Variants in DIAPH3 observed in about 807,000 individuals in gnomAD.
DIAPH3 encodes the protein protein diaphanous homolog 3.
Under a neutral mutation model 144.3 loss-of-function variants are expected in DIAPH3, and 117 were observed. The ratio of observed to expected loss-of-function variants is 0.81; its 90% CI spans 0.70 to 0.95. The LOEUF is 0.95. Ranked by LOEUF, DIAPH3 falls within the 40% of genes least tolerant of loss-of-function variation. DIAPH3 has a pLI of 0.00. For synonymous variants in DIAPH3, 519 were observed against 488.9 expected (o/e 1.06, Z -0.81); for missense variants, 1,421 against 1,412.7 (o/e 1.01, Z -0.09).
chr13:60,121,400 G>A (rs1346213873), intron 2 of DIAPH3, among the ~76,000 whole-genome samples: 1 of 152,134 alleles, frequency 6.6e-6, no homozygotes, highest in East Asian at 1.9e-4. Flanking sequence ...GGTACAGAAC[G>A]ATAGCAGAAA....
rs1566702675 is a variant in DIAPH3, at chr13:60,042,803, G to C, written c.513C>G (p.Ser171Arg). 1.2e-6 allele frequency: 2 copies of C among 1,613,334 alleles called. No individual in the cohort carries two copies. The highest frequency in any genetic ancestry group is 1.7e-5 in the Admixed American group (1 of 59,980). Reference protein sequence around the residue: ...TASKTGSLKRSRQISPQEFIH... With the variant: ...TASKTGSLKRRRQISPQEFIH... ...TGAATTCCTGAGGTGAGATCTGTCGGCTTCTCTTAAGACTTCCCTATAAAA... is the reference window on the plus strand; with the variant it reads ...TGAATTCCTGAGGTGAGATCTGTCGCCTTCTCTTAAGACTTCCCTATAAAA... The change falls in exon 5 of 28, where the codon AGC becomes AGG. Residue 171 changes from serine (S) to arginine (R), a missense_variant. Coordinates refer to ENST00000400324, the MANE Select transcript of DIAPH3 (RefSeq NM_001042517.2).
intron 3 of DIAPH3, among the ~76,000 whole-genome samples, chr13:60,111,743 T>C (rs920926314): frequency 6.6e-6 from 1 of 152,216 alleles, no homozygotes; most frequent in Non-Finnish European, 1.5e-5. Flanking sequence ...CTGACTTAAA[T>C]ATCTACTCAA....
At chr13:59,991,351 T>A in intron 11 of DIAPH3, 77 bp from the exon 12 acceptor site, 2 of 1,057,128 alleles carry the variant, frequency 1.9e-6, no homozygotes, top group Non-Finnish European at 2.9e-6. Flanking sequence ...GAATTTGTCC[T>A]GTAAGGTTTT....
At chr13:60,016,780 G>A (rs1380346136) in intron 5 of DIAPH3, among the ~76,000 whole-genome samples, 4 of 152,114 alleles carry the variant, frequency 2.6e-5, no homozygotes, top group Admixed American at 1.3e-4. Context: ...TGCATCACTG[G>A]GTTTTAAATG....
intron 20 of DIAPH3, among the ~76,000 whole-genome samples, chr13:59,881,555 C>T (rs2045048105): frequency 6.6e-6 from 1 of 152,054 alleles, no homozygotes; most frequent in South Asian, 2.1e-4. Context: ...CTACATTATA[C>T]CACCCCAAAA....
chr13:59,873,092 G>T (rs1337473519), intron 21 of DIAPH3, among the ~76,000 whole-genome samples: 2 of 152,162 alleles, frequency 1.3e-5, no homozygotes, highest in Admixed American at 1.3e-4. Flanking sequence ...GAGTCAAAGG[G>T]GGTTAAGCAT....
intron 20 of DIAPH3, among the ~76,000 whole-genome samples, chr13:59,882,646 A>G (rs1451500044): frequency 6.6e-6 from 1 of 152,182 alleles, no homozygotes; most frequent in African/African-American, 2.4e-5. Flanking sequence ...ATGGCAACAG[A>G]AAGTCATTTT....
In DIAPH3 at chr13:59,983,151, A is replaced by T. The variant is rs1336240824; in HGVS notation, c.1480+618T>A. ...AATGCTTTATCTTTAAAAAAAAAAAAAAAAAAAACTCTCAAGTTATAGAAG... is the reference window on the plus strand; with the variant it reads ...AATGCTTTATCTTTAAAAAAAAAAATAAAAAAAACTCTCAAGTTATAGAAG... On this transcript the variant is annotated intron_variant, in intron 13 of 27. Transcript: ENST00000400324. Among the ~76,000 whole-genome samples, 31 of 149,886 alleles carry T rather than the reference A, an allele frequency of 2.1e-4. 1 individual carries two copies. Among genetic ancestry groups the T allele is most frequent in the Admixed American group, 2.1e-3 (31 of 15,020 alleles).
intron 25 of DIAPH3, among the ~76,000 whole-genome samples, chr13:59,778,068 G>A (rs1336457767): frequency 6.6e-6 from 1 of 152,144 alleles, no homozygotes; most frequent in Admixed American, 6.5e-5. Flanking sequence ...AATGCTGACA[G>A]TTTTAGGCTC....
At chr13:60,156,369 T>TTGCAAGTGC (rs1240144662) in intron 1 of DIAPH3, among the ~76,000 whole-genome samples, 1 of 152,052 alleles carries the variant, frequency 6.6e-6, no homozygotes, top group Non-Finnish European at 1.5e-5. Context: ...GTGGCAAGTG[T>TTGCAAGTGC]GGAGTCATAC....
chr13:60,084,828 T>A (rs2057695443), intron 4 of DIAPH3, among the ~76,000 whole-genome samples: 1 of 152,124 alleles, frequency 6.6e-6, no homozygotes, highest in Admixed American at 6.6e-5. Flanking sequence ...CCATATTTAT[T>A]GTCTTGAGGG....
chr13:59,861,043 G>A (rs556578061), intron 22 of DIAPH3, among the ~76,000 whole-genome samples: 42 of 152,216 alleles, frequency 2.8e-4, no homozygotes, highest in Non-Finnish European at 5.0e-4. Flanking sequence ...GCTGGTTCTG[G>A]TATCAGGTAT....
chr13:59,805,862 C>T (rs1316409724), intron 25 of DIAPH3, among the ~76,000 whole-genome samples: 1 of 151,930 alleles, frequency 6.6e-6, no homozygotes, highest in African/African-American at 2.4e-5. Flanking sequence ...ACAAAAATCA[C>T]ATTCTGAAAT....
intron 25 of DIAPH3, among the ~76,000 whole-genome samples, chr13:59,799,453 G>T (rs78279401): frequency 0.046 from 6,914 of 151,316 alleles, 242 homozygotes; most frequent in South Asian, 0.11. Flanking sequence ...TTAACCATCA[G>T]GTAGGCTGAT....
chr13:59,850,397 C>A (rs2042895546), intron 22 of DIAPH3, among the ~76,000 whole-genome samples: 1 of 151,482 alleles, frequency 6.6e-6, no homozygotes, highest in South Asian at 2.1e-4. Flanking sequence ...TGTCTTGTGC[C>A]AGTTTTCAAA....
chr13:59,938,783 A>T (rs986804012), intron 17 of DIAPH3, among the ~76,000 whole-genome samples: 2 of 152,296 alleles, frequency 1.3e-5, no homozygotes, highest in Non-Finnish European at 2.9e-5. Context: ...TGATATTTTT[A>T]AAAATAATCT....
At chr13:59,823,140 A>G (rs2041167934) in intron 24 of DIAPH3, among the ~76,000 whole-genome samples, 1 of 152,212 alleles carries the variant, frequency 6.6e-6, no homozygotes, top group African/African-American at 2.4e-5. Flanking sequence ...ATTAGCAGTC[A>G]TACAGAACCT....
chr13:60,034,602 G>C (rs1346396190), intron 5 of DIAPH3: 1 of 152,108 alleles, frequency 6.6e-6, no homozygotes, highest in Admixed American at 6.6e-5. Context: ...GGGCAATTTG[G>C]TGATCTGCCG....
At chr13:60,014,396 C>T (rs3783040) in intron 7 of DIAPH3, among the ~76,000 whole-genome samples, 2,119 of 152,078 alleles carry the variant, frequency 0.014, 64 homozygotes, top group East Asian at 0.1. Context: ...GTGAATTCAG[C>T]ATAGAAAGGA....
Sources: allele counts gnomAD v4.1 joint callset (sites outside exome capture counted in the v4.1 genomes callset), GRCh38; gene constraint gnomAD v4.1.1; transcripts MANE v1.5; gene names NCBI Gene and HGNC (gene_info 2026-07-23, HGNC 2026-07-21).